SLC6A20: variants seen among roughly 807,000 people sequenced by gnomAD.
The protein encoded by SLC6A20 is solute carrier family 6 member 20.
Under a neutral mutation model 64.3 loss-of-function variants are expected in SLC6A20, and 73 were observed. That is an observed-to-expected ratio of 1.14 (90% CI 0.94 to 1.38). SLC6A20 has a LOEUF of 1.38. Ranked by LOEUF, SLC6A20 falls within the 40% of genes most tolerant of loss-of-function variation. SLC6A20 has a pLI of 0.00. For synonymous variants in SLC6A20, 347 were observed against 329.6 expected (o/e 1.05, Z -0.57); for missense variants, 725 against 772.8 (o/e 0.94, Z 0.73).
intron 5 of SLC6A20, chr3:45,772,182 A>G: frequency 3.6e-6 from 1 of 280,734 alleles, no homozygotes; most frequent in South Asian, 5.2e-5. Flanking sequence ...TGCTCATGGC[A>G]AAAAGCTTGG....
chr3:45,771,764 C>A, intron 5 of SLC6A20: 1 of 490,362 alleles, frequency 2.0e-6, no homozygotes, highest in South Asian at 2.5e-5. Context: ...TAACCAGAAG[C>A]AGCTATGCTC....
At position 45,796,094 on chromosome 3, in the gene SLC6A20, G is replaced by A. The variant is rs557345831; in HGVS notation, c.121+205C>T. Among the ~76,000 whole-genome samples the A allele has an allele frequency of 1.8e-4, 28 of 152,296 alleles. No homozygotes were observed. In the East Asian group the frequency reaches 3.9e-3, roughly 21 times the overall value. On this transcript the variant is annotated intron_variant, in intron 1 of 10. Transcript: ENST00000358525. ...CCGGGATGGGGCGAGGGGTTCCCGA[G>A]GGCTTGGGAGGGCGGCTTGGGAGAG...
chr3:45,794,538 T>G (rs1700315626), intron 1 of SLC6A20, among the ~76,000 whole-genome samples: 1 of 152,208 alleles, frequency 6.6e-6, no homozygotes, highest in South Asian at 2.1e-4. Context: ...AGGCACAGGA[T>G]TACTTCTTGT....
intron 1 of SLC6A20, among the ~76,000 whole-genome samples, chr3:45,787,785 A>G (rs1700194217): frequency 6.6e-6 from 1 of 152,206 alleles, no homozygotes; most frequent in African/African-American, 2.4e-5. Context: ...TGCATGGCTC[A>G]TAGTTGATCT....
rs538915174 is a variant in SLC6A20 at position 45,779,993 on chromosome 3, G to A, written c.354+16C>T. On this transcript the variant is annotated intron_variant, in intron 3 of 10. Transcript: ENST00000358525. ...CTCGCTCCTACTCCTGTTCTGGCAC[G>A]GGCCCCCCGGCTCACCTGGAAGGAG... The A allele has an allele frequency of 2.7e-5, 43 of 1,588,330 alleles. No individual in the cohort carries two copies. The highest frequency in any genetic ancestry group is 3.2e-5 in the Non-Finnish European group (37 of 1,166,770).
chr3:45,775,080 CCTT>C (rs1699941207), intron 4 of SLC6A20, among the ~76,000 whole-genome samples: 1 of 152,124 alleles, frequency 6.6e-6, no homozygotes, highest in Admixed American at 6.5e-5. Flanking sequence ...TGAAAGCAAA[CCTT>C]CTACGTGGAG....
At chr3:45,790,041 GAGACA>G (rs1241642044) in intron 1 of SLC6A20, among the ~76,000 whole-genome samples, 5 of 152,144 alleles carry the variant, frequency 3.3e-5, no homozygotes, top group Admixed American at 6.5e-5. Flanking sequence ...CTCACTAGAA[GAGACA>G]TTCCTTTCTG....
Position 45,796,355 on chromosome 3 carries a change from G to A in SLC6A20, c.65C>T (p.Ala22Val), listed in dbSNP as rs759153963. The change falls in exon 1 of 11, where the codon GCC becomes GTC. Residue 22 changes from alanine to valine, a missense_variant. Transcript: ENST00000358525. ...TCGCCACACGTTGCCCAGGCCCACG[G>A]CGTACGAGATGCAGGCGAACACGAA... ...LQFVFACISY[A>V]VGLGNVWRFP... 1.2e-6 allele frequency: 2 copies of A among 1,613,140 alleles called. No homozygotes were observed. The highest frequency in any genetic ancestry group is 2.2e-5 in the East Asian group (1 of 44,810).
At chr3:45,786,484 AAC>A (rs1413398965) in intron 1 of SLC6A20, among the ~76,000 whole-genome samples, 2 of 152,244 alleles carry the variant, frequency 1.3e-5, no homozygotes. Flanking sequence ...TTTTGGCAGA[AAC>A]ACTAAAGTTA....
intron 1 of SLC6A20, among the ~76,000 whole-genome samples, chr3:45,792,019 C>T (rs1351998265): frequency 6.6e-6 from 1 of 152,162 alleles, no homozygotes; most frequent in Non-Finnish European, 1.5e-5. Flanking sequence ...GAAGAGCACA[C>T]TGGGAAGATG....
intron 3 of SLC6A20, among the ~76,000 whole-genome samples, chr3:45,779,613 G>T (rs191802264): frequency 1.3e-5 from 2 of 152,152 alleles, no homozygotes; most frequent in Non-Finnish European, 2.9e-5. Context: ...AAGAGGACAG[G>T]CCGTTGCTGT....
rs1173534114 is a variant in SLC6A20 at position 45,757,765 on chromosome 3, A to G, written c.*1213T>C. On this transcript the variant is annotated 3_prime_UTR_variant, in exon 11 of 11. Transcript: ENST00000358525. The stretch of plus-strand genomic sequence containing the variant: ...TCATAGATATGGTGTGTCTTCAGTT[A>G]CAAGATGCTCTGTTTGAATTATATA... 1 of 152,562 alleles carries G rather than the reference A, an allele frequency of 6.6e-6. No individual in the cohort carries two copies. The highest frequency in any genetic ancestry group is 1.9e-4 in the East Asian group (1 of 5,220). The allele number at this position is 152,562 out of a possible 1,614,324, so 9.5% of individuals were successfully genotyped here.
chr3:45,766,767 G>A (rs989581486), intron 7 of SLC6A20, among the ~76,000 whole-genome samples: 1 of 152,200 alleles, frequency 6.6e-6, no homozygotes, highest in African/African-American at 2.4e-5. Context: ...CACGAACCAG[G>A]AAATAGGTCT....
At position 45,770,289 on chromosome 3, in the gene SLC6A20, G is replaced by A. The variant is rs768158635; in HGVS notation, c.1018C>T (p.Leu340Phe). ...TATTTGCTTGGGTAGGCAGATGCGA[G>A]GTAGCCCTTCACCTGCTCCAGGTTG... is the stretch of plus-strand genomic sequence containing the variant. The part of the protein sequence containing the change: ...ASNLEQVKGY[L>F]ASAYPSKYSE... The change falls in exon 7 of 11, where the codon CTC (leucine) becomes TTC (phenylalanine). Residue 340 changes from leucine (L) to phenylalanine (F), a missense_variant. Leu to Phe is a conservative substitution (Grantham distance 22). Coordinates refer to ENST00000358525, the MANE Select transcript of SLC6A20 (RefSeq NM_020208.4). The A allele has an allele frequency of 1.9e-6, 3 of 1,614,198 alleles. No homozygotes were observed. Among genetic ancestry groups the A allele is most frequent in the Non-Finnish European group, 2.5e-6 (3 of 1,180,040 alleles).
At chr3:45,783,500 T>C (rs2125653480) in intron 1 of SLC6A20, among the ~76,000 whole-genome samples, 1 of 152,378 alleles carries the variant, frequency 6.6e-6, no homozygotes, top group Non-Finnish European at 1.5e-5. Context: ...CTTAAAGAGC[T>C]GCATGATGTT....
At chr3:45,760,609 C>T (rs532071900) in intron 9 of SLC6A20, among the ~76,000 whole-genome samples, 21 of 152,324 alleles carry the variant, frequency 1.4e-4, no homozygotes, top group African/African-American at 4.1e-4. Context: ...GTCCCAAAGG[C>T]GTTGCCCACA....
At chr3:45,762,363 C>T (rs541685912) in intron 9 of SLC6A20, among the ~76,000 whole-genome samples, 1 of 152,266 alleles carries the variant, frequency 6.6e-6, no homozygotes, top group South Asian at 2.1e-4. Context: ...GTTTGACCAG[C>T]CCAAGGGACT....
chr3:45,782,557 A>ATCCT (rs1208469786), intron 1 of SLC6A20, among the ~76,000 whole-genome samples: 1 of 148,126 alleles, frequency 6.8e-6, no homozygotes, highest in East Asian at 2.0e-4. Flanking sequence ...ACATCCATCC[A>ATCCT]TCCTTCCTTC....
intron 1 of SLC6A20, among the ~76,000 whole-genome samples, chr3:45,796,054 G>A (rs943677544): frequency 2.0e-5 from 3 of 152,192 alleles, no homozygotes; most frequent in Non-Finnish European, 4.4e-5. Flanking sequence ...GTGAGGGTTG[G>A]GGGCTTGGCC....
Sources: gnomAD v4.1 joint callset for allele counts (sites outside exome capture counted in the v4.1 genomes callset) on GRCh38, gnomAD v4.1.1 for gene constraint, MANE v1.5 for transcripts, NCBI Gene and HGNC (gene_info 2026-07-23, HGNC 2026-07-21) for gene names.